The following FBXL17 variants were observed in gnomAD, a reference collection of about 807,000 sequenced individuals.
FBXL17 encodes F-box and leucine rich repeat protein 17, also known as F-box/LRR-repeat protein 17.
In FBXL17, 22 loss-of-function variants were observed where a neutral mutation model predicts 66.2. The observed-to-expected ratio is 0.33, with a 90% CI of 0.24 to 0.47. The LOEUF (loss-of-function observed/expected upper bound fraction) is 0.47, where lower values mean the gene tolerates loss of function less well. Among genes scored for constraint, FBXL17 ranks in the 20% least tolerant of loss-of-function variants. The pLI, the probability that FBXL17 is intolerant of heterozygous loss-of-function variation, is 1.00. For missense variants in FBXL17, 878 were observed against 948.2 expected, an observed-to-expected ratio of 0.93 and a Z score of 0.97; for synonymous variants, 474 against 400.5, an observed-to-expected ratio of 1.18 and a Z score of -2.19.
chr5:107,914,654 G>A (rs1186535067), intron 7 of FBXL17, among the ~76,000 whole-genome samples: 1 of 152,166 alleles, frequency 6.6e-6, no homozygotes, highest in African/African-American at 2.4e-5. Context: ...AAGTGACCCC[G>A]GGACTTTTGC....
chr5:108,007,832 T>A (rs915263980), intron 7 of FBXL17, among the ~76,000 whole-genome samples: 8 of 151,896 alleles, frequency 5.3e-5, no homozygotes, highest in African/African-American at 1.7e-4. Context: ...TAATGTAGAG[T>A]ATGTGAGAGC....
At position 108,382,050 on chromosome 5, in the gene FBXL17, G is replaced by A. The variant is rs79719366; in HGVS notation, c.-359C>T. The A allele has an allele frequency of 4.4e-3, 4,024 of 905,620 alleles. 114 individuals carry two copies. The African/African-American group carries it at 0.058, about 13-fold the overall frequency. 56.1% of individuals were successfully genotyped at this position (905,620 alleles called of 1,614,324 possible). On this transcript the variant is annotated 5_prime_UTR_variant, in exon 1 of 9. The change creates a premature stop within an existing upstream ORF in the 5' untranslated region. Coordinates refer to ENST00000542267, the MANE Select transcript of FBXL17 (RefSeq NM_001163315.3). ...GCCGGGGAAAGGCCGGGTCCCGCTCGGACCATTTTAACTGCGGATCCGCCG... is the reference window on the plus strand; with the variant it reads ...GCCGGGGAAAGGCCGGGTCCCGCTCAGACCATTTTAACTGCGGATCCGCCG...
chr5:108,230,310 G>C (rs963915218), intron 4 of FBXL17, among the ~76,000 whole-genome samples: 2 of 152,144 alleles, frequency 1.3e-5, no homozygotes, highest in Non-Finnish European at 2.9e-5. Context: ...GCAAAAATAT[G>C]AAACCAGCCC....
chr5:107,918,667 A>C (rs1750212803), intron 7 of FBXL17, among the ~76,000 whole-genome samples: 1 of 152,244 alleles, frequency 6.6e-6, no homozygotes. Context: ...TCTGTATTTG[A>C]AATAGTTACC....
intron 6 of FBXL17, among the ~76,000 whole-genome samples, chr5:108,034,790 C>T (rs1373189917): frequency 6.6e-6 from 1 of 151,964 alleles, no homozygotes; most frequent in Non-Finnish European, 1.5e-5. Flanking sequence ...TGTATCAAAG[C>T]TTTTAAAAGT....
intron 7 of FBXL17, among the ~76,000 whole-genome samples, chr5:107,964,028 T>C (rs1752022867): frequency 1.3e-5 from 2 of 152,130 alleles, no homozygotes; most frequent in African/African-American, 2.4e-5. Flanking sequence ...CAAACAAAGT[T>C]TGAGAAATAT....
chr5:108,157,148 T>C (rs962559838), intron 6 of FBXL17, among the ~76,000 whole-genome samples: 1 of 150,394 alleles, frequency 6.6e-6, no homozygotes, highest in Admixed American at 6.6e-5. Flanking sequence ...ATTTTCCAGT[T>C]CATGCACTCC....
At chr5:107,929,731 A>G (rs1245413091) in intron 7 of FBXL17, among the ~76,000 whole-genome samples, 1 of 152,050 alleles carries the variant, frequency 6.6e-6, no homozygotes, top group East Asian at 1.9e-4. Flanking sequence ...AATCAAAGAC[A>G]GAAAGCCTGT....
intron 6 of FBXL17, among the ~76,000 whole-genome samples, chr5:108,135,054 G>A (rs1751081636): frequency 6.6e-6 from 1 of 152,216 alleles, no homozygotes; most frequent in East Asian, 1.9e-4. Flanking sequence ...GCCTCAAAAA[G>A]GGTAGCAATA....
intron 7 of FBXL17, among the ~76,000 whole-genome samples, chr5:107,960,326 GA>G (rs1464470737): frequency 6.6e-6 from 1 of 151,962 alleles, no homozygotes. Flanking sequence ...GAGAACATTG[GA>G]AATTTACTCT....
At chr5:108,281,378 A>C (rs147149515) in intron 4 of FBXL17, among the ~76,000 whole-genome samples, 92 of 152,076 alleles carry the variant, frequency 6.0e-4, no homozygotes, top group African/African-American at 2.2e-3. Flanking sequence ...CAATACCAAG[A>C]GGGACTCTGG....
At chr5:108,077,453 C>A (rs1246506326) in intron 6 of FBXL17, among the ~76,000 whole-genome samples, 2 of 152,070 alleles carry the variant, frequency 1.3e-5, no homozygotes, top group African/African-American at 4.8e-5. Flanking sequence ...CACTTGAGCC[C>A]AGGAGTTTTA....
At chr5:107,892,765 G>A (rs1478211520) in intron 7 of FBXL17, among the ~76,000 whole-genome samples, 2 of 152,160 alleles carry the variant, frequency 1.3e-5, no homozygotes, top group Non-Finnish European at 2.9e-5. Flanking sequence ...AACCAGTACA[G>A]TTGTAACTCA....
chr5:108,139,175 A>G (rs1453449254), intron 6 of FBXL17, among the ~76,000 whole-genome samples: 1 of 152,166 alleles, frequency 6.6e-6, no homozygotes, highest in Non-Finnish European at 1.5e-5. Flanking sequence ...GGAAAGGGGG[A>G]CCACTGGGGA....
chr5:108,370,464 G>T (rs890327508), intron 1 of FBXL17, among the ~76,000 whole-genome samples: 3 of 152,164 alleles, frequency 2.0e-5, no homozygotes, highest in Non-Finnish European at 1.5e-5. Context: ...CATAAAAGTG[G>T]CAGGGCATGG....
intron 6 of FBXL17, among the ~76,000 whole-genome samples, chr5:108,030,072 T>C (rs944062630): frequency 6.6e-6 from 1 of 152,180 alleles, no homozygotes; most frequent in African/African-American, 2.4e-5. Flanking sequence ...CATACACTTA[T>C]GAAGAGAACT....
chr5:107,866,607 A>G (rs554751606), intron 8 of FBXL17, among the ~76,000 whole-genome samples: 10 of 152,330 alleles, frequency 6.6e-5, no homozygotes, highest in African/African-American at 2.4e-4. Flanking sequence ...ATTTCCGCAG[A>G]AAGTTCCAGA....
chr5:108,290,374 GT>G (rs1335069756), intron 4 of FBXL17, among the ~76,000 whole-genome samples: 1 of 152,036 alleles, frequency 6.6e-6, no homozygotes, highest in African/African-American at 2.4e-5. Flanking sequence ...TCCATTAGTT[GT>G]TTTTTTACCC....
intron 7 of FBXL17, among the ~76,000 whole-genome samples, chr5:107,975,729 A>C (rs1752551976): frequency 6.6e-6 from 1 of 152,164 alleles, no homozygotes. Flanking sequence ...TGTTTTCTTC[A>C]ATAAGACACA....
Sources: allele counts gnomAD v4.1 joint callset (sites outside exome capture counted in the v4.1 genomes callset), GRCh38; gene constraint gnomAD v4.1.1; transcripts MANE v1.5; gene names NCBI Gene and HGNC (gene_info 2026-07-23, HGNC 2026-07-21).